Variants in NAA11 observed in about 807,000 individuals in gnomAD.
NAA11 encodes the protein N-alpha-acetyltransferase 11.
A neutral mutation model predicts 16.1 loss-of-function variants in NAA11; 15 were observed. That is an observed-to-expected ratio of 0.93 (90% CI 0.62 to 1.44). The LOEUF is 1.44. NAA11 is among the 40% of genes most tolerant of loss of function. The probability of loss-of-function intolerance (pLI) is 0.00; values close to 1 mark genes in which losing one functional copy is unlikely to be tolerated. For missense variants in NAA11, 298 were observed against 291.3 expected (o/e 1.02, Z -0.17); for synonymous variants, 122 against 112.4 (o/e 1.09, Z -0.54).
At chr4:79,196,482 C>T in the NAA11 span, among the ~76,000 whole-genome samples, 1 of 152,034 alleles carries the variant, frequency 6.6e-6, no homozygotes. Flanking sequence ...TAGAGATCAG[C>T]TAGAACCACC....
chr4:79,283,244 G>A (rs1722835740), intron 2 of NAA11, among the ~76,000 whole-genome samples: 1 of 151,910 alleles, frequency 6.6e-6, no homozygotes, highest in South Asian at 2.1e-4. Flanking sequence ...GTAGTATAAA[G>A]GGATAGTAGT....
chr4:79,295,734 TAA>T (rs1723203628), intron 1 of NAA11, among the ~76,000 whole-genome samples: 1 of 152,236 alleles, frequency 6.6e-6, no homozygotes, highest in Non-Finnish European at 1.5e-5. Flanking sequence ...CTGTTCAATT[TAA>T]AAAGACAGCT....
intron 1 of NAA11, chr4:79,308,800 C>T (rs987269104): frequency 1.3e-5 from 2 of 151,934 alleles, no homozygotes; most frequent in Non-Finnish European, 2.9e-5. Context: ...TCAAAAAATC[C>T]TTATGATCTC....
rs563922037 is a variant in NAA11 at position 79,243,825 on chromosome 4, G to A, written c.*123-17555C>T. On this transcript the variant is annotated intron_variant and NMD_transcript_variant, in intron 2 of 2. Coordinates refer to the NAA11 transcript ENST00000511542. ...GTTAACTTGGAAGAGATACAAGAGG[G>A]TACATGAATATCAAAGAGGAAATAA... 4.6e-5 allele frequency among the ~76,000 whole-genome samples: 7 copies of A among 152,318 alleles called. No individual in the cohort carries two copies. In the South Asian group the frequency reaches 8.3e-4, roughly 18 times the overall value.
At chr4:79,212,907 A>C in the NAA11 span, among the ~76,000 whole-genome samples, 5 of 152,080 alleles carry the variant, frequency 3.3e-5, no homozygotes, top group African/African-American at 1.2e-4. Context: ...ACTGTATTAT[A>C]ATTGTATAGT....
At chr4:79,321,212 T>C (rs1171714182) in intron 1 of NAA11, among the ~76,000 whole-genome samples, 2 of 152,194 alleles carry the variant, frequency 1.3e-5, no homozygotes, top group Non-Finnish European at 2.9e-5. Flanking sequence ...TATGATCCCA[T>C]TGCTTCTAAC....
intron 2 of NAA11, among the ~76,000 whole-genome samples, chr4:79,237,940 C>T (rs530271975): frequency 1.3e-5 from 2 of 151,934 alleles, no homozygotes; most frequent in African/African-American, 2.4e-5. Flanking sequence ...AATTTGAAGT[C>T]GACATAGGTC....
At chr4:79,321,824 T>A (rs1724096894) in intron 1 of NAA11, among the ~76,000 whole-genome samples, 1 of 152,226 alleles carries the variant, frequency 6.6e-6, no homozygotes, top group African/African-American at 2.4e-5. Context: ...AACAAAAGTA[T>A]TTTTAAAATA....
chr4:79,187,850 T>A, the NAA11 span, among the ~76,000 whole-genome samples: 1 of 151,294 alleles, frequency 6.6e-6, no homozygotes. Flanking sequence ...ACAAAAAAAA[T>A]TAGCCGGGCA....
chr4:79,179,599 G>A, the NAA11 span, among the ~76,000 whole-genome samples: 1 of 152,048 alleles, frequency 6.6e-6, no homozygotes, highest in African/African-American at 2.4e-5. Flanking sequence ...AGAGACTTTT[G>A]GGGAAGGCAG....
At chr4:79,222,274 T>G (rs1202942733), downstream of NAA11, among the ~76,000 whole-genome samples, 1 of 152,202 alleles carries the variant, frequency 6.6e-6, no homozygotes, top group Non-Finnish European at 1.5e-5. Context: ...CTTTTTTTCT[T>G]TATTAGTCTT....
the NAA11 span, among the ~76,000 whole-genome samples, chr4:79,207,335 C>A: frequency 1.5e-5 from 2 of 135,894 alleles, no homozygotes; most frequent in Admixed American, 1.7e-4. Flanking sequence ...GGTGATAGGG[C>A]CTTTAAGGAG....
At chr4:79,306,601 G>T (rs1211548584) in intron 1 of NAA11, 1 of 152,184 alleles carries the variant, frequency 6.6e-6, no homozygotes, top group African/African-American at 2.4e-5. Context: ...ACAAGATTCA[G>T]CCCATAACAG....
At chr4:79,316,512 T>C (rs896711214), downstream of NAA11, 7 of 152,174 alleles carry the variant, frequency 4.6e-5, no homozygotes, top group African/African-American at 1.7e-4. Context: ...ACTTACCTCT[T>C]GTCACCAGAT....
the NAA11 span, among the ~76,000 whole-genome samples, chr4:79,218,917 A>T: frequency 6.6e-6 from 1 of 152,124 alleles, no homozygotes; most frequent in Non-Finnish European, 1.5e-5. Flanking sequence ...TTTGCACTTT[A>T]GCAAAATATT....
intron 2 of NAA11, among the ~76,000 whole-genome samples, chr4:79,241,879 C>G (rs1721703242): frequency 6.6e-6 from 1 of 152,210 alleles, no homozygotes; most frequent in Non-Finnish European, 1.5e-5. Flanking sequence ...CTGGACCTTT[C>G]AGGTCCAAAT....
intron 1 of NAA11, among the ~76,000 whole-genome samples, chr4:79,319,873 G>C (rs561756108): frequency 6.6e-6 from 1 of 152,178 alleles, no homozygotes; most frequent in African/African-American, 2.4e-5. Context: ...GTTATAATTA[G>C]TTGTCTGGTA....
At chr4:79,265,727 C>T (rs1722330313) in intron 2 of NAA11, among the ~76,000 whole-genome samples, 1 of 151,978 alleles carries the variant, frequency 6.6e-6, no homozygotes, top group Admixed American at 6.6e-5. Context: ...TAACACTGAT[C>T]TGCCCTGCCT....
At chr4:79,191,898 A>G in the NAA11 span, among the ~76,000 whole-genome samples, 1 of 152,200 alleles carries the variant, frequency 6.6e-6, no homozygotes, top group South Asian at 2.1e-4. Flanking sequence ...TCTTCTGCAT[A>G]TGGCTAGCCA....
Sources: gnomAD v4.1 joint callset for allele counts (sites outside exome capture counted in the v4.1 genomes callset) on GRCh38, gnomAD v4.1.1 for gene constraint, MANE v1.5 for transcripts, NCBI Gene and HGNC (gene_info 2026-07-23, HGNC 2026-07-21) for gene names.